Variants in PEBP4 observed in about 807,000 individuals in gnomAD.
PEBP4 encodes phosphatidylethanolamine binding protein 4.
PEBP4 carries 22 observed loss-of-function variants against 23.9 expected under a neutral mutation model. The ratio of observed to expected loss-of-function variants is 0.92; its 90% confidence interval spans 0.66 to 1.31. The LOEUF (loss-of-function observed/expected upper bound fraction) is 1.31, where lower values mean the gene tolerates loss of function less well. Ranked by LOEUF, PEBP4 falls within the 40% of genes most tolerant of loss-of-function variation. The pLI is 0.00. For missense variants in PEBP4, 324 were observed against 281.7 expected, an observed-to-expected ratio of 1.15 and a Z score of -1.07; for synonymous variants, 112 against 99.3, an observed-to-expected ratio of 1.13 and a Z score of -0.76.
At chr8:22,808,249 ATCCC>A (rs71206550) in intron 4 of PEBP4, among the ~76,000 whole-genome samples, 1 of 151,166 alleles carries the variant, frequency 6.6e-6, no homozygotes, top group Non-Finnish European at 1.5e-5. Context: ...CCATCCATCC[ATCCC>A]TCCATCTATC....
chr8:22,788,585 A>G (rs1474053488), intron 4 of PEBP4, among the ~76,000 whole-genome samples: 1 of 152,178 alleles, frequency 6.6e-6, no homozygotes, highest in Admixed American at 6.5e-5. Flanking sequence ...CGGTTTCCTC[A>G]TCTGTAAACT....
In PEBP4 at chr8:22,927,865, TC is replaced by T; in HGVS notation, c.-50del. 1.1e-6 allele frequency: 1 copy of T among 924,010 alleles called. No individual in the cohort carries two copies. Among genetic ancestry groups the T allele is most frequent in the Non-Finnish European group, 1.6e-6 (1 of 627,920 alleles). The allele number at this position is 924,010 out of a possible 1,614,324, so 57.2% of individuals were successfully genotyped here. A position where few individuals can be genotyped will look rare whatever the true frequency, so the allele number is the denominator to read the frequency against. The stretch of plus-strand genomic sequence containing the variant: ...GAGAAGGACAGGCAGCTTCCAGGGC[TC>T]CGCAGCTAATCCAGTCCACCACCCG... On this transcript the variant is annotated 5_prime_UTR_variant, in exon 1 of 7. Coordinates refer to ENST00000256404, the MANE Select transcript of PEBP4 (RefSeq NM_144962.3).
intron 4 of PEBP4, among the ~76,000 whole-genome samples, chr8:22,797,600 GAGTA>G (rs1336931274): frequency 2.6e-5 from 4 of 152,192 alleles, no homozygotes; most frequent in Non-Finnish European, 5.9e-5. Flanking sequence ...TTGAAGGTAG[GAGTA>G]AGTAAGTTGC....
chr8:22,928,131 G>C (rs996094836), upstream of PEBP4, among the ~76,000 whole-genome samples: 3 of 152,250 alleles, frequency 2.0e-5, no homozygotes, highest in African/African-American at 7.2e-5. Context: ...CTCCTTGGCT[G>C]TAAGGCAAGC....
intron 4 of PEBP4, among the ~76,000 whole-genome samples, chr8:22,779,779 A>G (rs1388942501): frequency 6.6e-6 from 1 of 152,250 alleles, no homozygotes; most frequent in Admixed American, 6.5e-5. Flanking sequence ...ATGCATATAG[A>G]AAGTGATTGG....
In PEBP4 at chr8:22,865,487, C is replaced by A. The variant is rs555177122; in HGVS notation, c.259-47752G>T. Among the ~76,000 whole-genome samples, 184 of 152,156 alleles carry A rather than the reference C, an allele frequency of 1.2e-3. No individual in the cohort carries two copies. Among genetic ancestry groups the A allele is most frequent in the Non-Finnish European group, 2.3e-3 (155 of 67,968 alleles). On this transcript the variant is annotated intron_variant, in intron 3 of 6. Coordinates refer to ENST00000256404, the MANE Select transcript of PEBP4 (RefSeq NM_144962.3). This position sits in a 1 kb window ranked among gnomAD's most constrained non-coding sequence, Gnocchi z 6.9. ...GCGAGGTGGAGCGCGCCACCGCCCC[C>A]CCGGCCGCGCAGCGAGAAGGAGCCT...
intron 3 of PEBP4, among the ~76,000 whole-genome samples, chr8:22,880,797 G>A (rs1417258605): frequency 2.0e-5 from 3 of 152,236 alleles, no homozygotes; most frequent in Non-Finnish European, 4.4e-5. Flanking sequence ...TCTGGCAGGG[G>A]CAGCCTAGAC....
chr8:22,923,001 C>A (rs746490689), intron 2 of PEBP4, among the ~76,000 whole-genome samples: 4 of 152,194 alleles, frequency 2.6e-5, no homozygotes, highest in Non-Finnish European at 4.4e-5. Context: ...TCGGGGACAT[C>A]ACATATGTAT....
chr8:22,839,237 T>G (rs1191533378), intron 3 of PEBP4, among the ~76,000 whole-genome samples: 1 of 152,130 alleles, frequency 6.6e-6, no homozygotes, highest in Non-Finnish European at 1.5e-5. Flanking sequence ...GGACGTGGTG[T>G]TGGTCATCAC....
chr8:22,762,372 G>T (rs1805525366), intron 4 of PEBP4, among the ~76,000 whole-genome samples: 1 of 152,048 alleles, frequency 6.6e-6, no homozygotes, highest in Non-Finnish European at 1.5e-5. Context: ...AGCAACACAG[G>T]GTGGAAAACC....
intron 4 of PEBP4, chr8:22,757,137 G>T (rs1032957627): frequency 7.2e-5 from 11 of 152,220 alleles, no homozygotes; most frequent in African/African-American, 2.4e-4. Context: ...ATATGCCAGG[G>T]TTCATCTTTT....
chr8:22,782,676 TG>T (rs1238975041), intron 4 of PEBP4, among the ~76,000 whole-genome samples: 22 of 152,250 alleles, frequency 1.4e-4, no homozygotes, highest in African/African-American at 5.3e-4. Context: ...TGTATACCTC[TG>T]TATATGTTTG....
chr8:22,779,579 C>G (rs1407443567), intron 4 of PEBP4, among the ~76,000 whole-genome samples: 2 of 152,038 alleles, frequency 1.3e-5, no homozygotes, highest in African/African-American at 4.8e-5. Context: ...TGCCGTGGTC[C>G]CCCGACTCTG....
chr8:22,813,133 C>T (rs1330322722), intron 4 of PEBP4, among the ~76,000 whole-genome samples: 1 of 152,292 alleles, frequency 6.6e-6, no homozygotes, highest in Non-Finnish European at 1.5e-5. Context: ...GAAAAAACCT[C>T]TAATTATGGA....
At chr8:22,733,668 C>T (rs1397753854) in intron 4 of PEBP4, among the ~76,000 whole-genome samples, 3 of 152,028 alleles carry the variant, frequency 2.0e-5, no homozygotes, top group East Asian at 1.9e-4. Flanking sequence ...GACTTAATCT[C>T]GTTACCCACC....
intron 3 of PEBP4, among the ~76,000 whole-genome samples, chr8:22,834,381 C>T (rs115366400): frequency 0.014 from 2,187 of 152,270 alleles, 46 homozygotes; most frequent in African/African-American, 0.051. Flanking sequence ...AGGACGGGTT[C>T]GAATTTCAGG....
chr8:22,934,379 G>A (rs1809506221), intron 1 of PEBP4, among the ~76,000 whole-genome samples: 1 of 152,132 alleles, frequency 6.6e-6, no homozygotes, highest in African/African-American at 2.4e-5. Context: ...ATTCAAATTA[G>A]ATCATTATAA....
At chr8:22,815,619 C>A (rs1806724598) in intron 4 of PEBP4, among the ~76,000 whole-genome samples, 1 of 152,228 alleles carries the variant, frequency 6.6e-6, no homozygotes, top group African/African-American at 2.4e-5. Flanking sequence ...GGAAGCAGTG[C>A]AAATGTGACG....
In PEBP4 at chr8:22,920,158, G is replaced by A. The variant is rs201746577; in HGVS notation, c.258+26C>T. ...CATCAAGACCCCCAACTGTCCCCCC[G>A]CTTTAACACAGCCCTGCTCACTCAC... is the stretch of plus-strand genomic sequence containing the variant. On this transcript the variant is annotated intron_variant, in intron 3 of 6. Transcript: ENST00000256404. The A allele has an allele frequency of 2.6e-4, 421 of 1,590,622 alleles. 1 individual carries two copies. The East Asian group carries it at 4.9e-3, about 19-fold the overall frequency.
Sources: gnomAD v4.1 joint callset for allele counts (sites outside exome capture counted in the v4.1 genomes callset) on GRCh38, gnomAD v4.1.1 for gene constraint, Gnocchi (gnomAD v3.1) non-coding constraint, MANE v1.5 for transcripts, NCBI Gene and HGNC (gene_info 2026-07-23, HGNC 2026-07-21) for gene names.